The following SPTBN5 variants were observed in gnomAD, a reference collection of about 807,000 sequenced individuals.
SPTBN5 encodes the protein spectrin beta, non-erythrocytic 5, also known as spectrin beta chain, non-erythrocytic 5.
SPTBN5 carries 513 observed loss-of-function variants against 477.6 expected under a neutral mutation model. That is an observed-to-expected ratio of 1.07 (90% CI 1.00 to 1.16). SPTBN5 has a LOEUF of 1.16. Among genes scored for constraint, SPTBN5 ranks in the 50% most tolerant of loss-of-function variants. The pLI is 0.00. For missense variants in SPTBN5, 5,062 were observed against 4,731.8 expected, an observed-to-expected ratio of 1.07 and a Z score of -2.05; for synonymous variants, 2,169 against 2,011.7, an observed-to-expected ratio of 1.08 and a Z score of -2.09.
Position 41,871,885 on chromosome 15 carries a change from T to C in SPTBN5, c.5198A>G (p.His1733Arg), listed in dbSNP as rs771894219. ...DRELEGTLRL[H>R]EFLREAEDLQ... The stretch of plus-strand genomic sequence containing the variant: ...GTCCTCAGCCTCCCTCAGGAACTCA[T>C]GCAGCCTCAGGGTCCCCTCCAGTTC... Residue 1733 changes from histidine to arginine, a missense_variant, in exon 28 of 68, where the codon CAT (histidine) becomes CGT (arginine). By Grantham distance (29) the His-to-Arg change is conservative. Coordinates refer to ENST00000320955, the MANE Select transcript of SPTBN5 (RefSeq NM_016642.4). 6.3e-7 allele frequency: 1 copy of C among 1,586,382 alleles called. No homozygotes were observed. The highest frequency in any genetic ancestry group is 8.6e-7 in the Non-Finnish European group (1 of 1,166,370).
At chr15:41,892,732 G>A (rs556884207) in intron 3 of SPTBN5, 162 bp downstream of exon 3, 4 of 746,938 alleles carry the variant, frequency 5.4e-6, no homozygotes, top group Non-Finnish European at 8.2e-6. Flanking sequence ...TGCGAGGAGG[G>A]CGTGGCTTCT....
At position 41,856,329 on chromosome 15, in the gene SPTBN5, C is replaced by T. The variant is rs144717950; in HGVS notation, c.9021+57G>A. 283 of 1,435,888 alleles carry T rather than the reference C, an allele frequency of 2.0e-4. 1 individual carries two copies. In the African/African-American group the frequency reaches 3.3e-3, roughly 17 times the overall value. The allele number at this position is 1,435,888 out of a possible 1,614,324, so 88.9% of individuals were successfully genotyped here. ...AGGAGCCCCGGAGTGACCTCCCAGC[C>T]GCACTCGCCCTGTGTTCCAGGCTTG... On this transcript the variant is annotated intron_variant, in intron 53 of 67. Transcript: ENST00000320955.
rs1325184209 is a variant in SPTBN5 at position 41,864,014 on chromosome 15, C to A, written c.6929G>T (p.Gly2310Val). The A allele has an allele frequency of 6.2e-7, 1 of 1,612,506 alleles. No individual in the cohort carries two copies. The highest frequency in any genetic ancestry group is 1.7e-4 in the Middle Eastern group (1 of 6,054). The change falls in exon 40 of 68, where the codon GGT becomes GTT. Residue 2310 changes from glycine (G) to valine (V), a missense_variant. By Grantham distance (109) the Gly-to-Val change is moderately radical (BLOSUM62 -3). Transcript: ENST00000320955. ...FRGNSAGDTV[G>V]DACIRSISDL... ...ACTGATGCTCCTGATGCAGGCATCA[C>A]CCACTGTGTCCTGCAGGGGAGGTAT...
rs1406905516 is a variant in SPTBN5 at position 41,856,408 on chromosome 15, T to C, written c.8999A>G (p.Glu3000Gly). ...CACCTCAGTCAGAAACTGCTGGGCC[T>C]CCTGAGCCTGCTGCAGCAGAAGCCG... ...RRRLLLQQAQ[E>G]AQQFLTELLE... Residue 3000 changes from glutamate to glycine, a missense_variant, in exon 53 of 68, where the codon GAG becomes GGG. Coordinates refer to ENST00000320955, the MANE Select transcript of SPTBN5 (RefSeq NM_016642.4). The C allele has an allele frequency of 6.3e-6, 10 of 1,584,904 alleles. No homozygotes were observed. The highest frequency in any genetic ancestry group is 1.7e-5 in the Admixed American group (1 of 58,308).
Position 41,866,029 on chromosome 15 carries a change from G to A in SPTBN5, c.6822+9C>T. Reference sequence around the variant, plus strand: ...CCATCTCTCAGCCCCCACCCAGCTGGGGCTACACCTTCTCCTGGATCCAGG... The same window carrying A: ...CCATCTCTCAGCCCCCACCCAGCTGAGGCTACACCTTCTCCTGGATCCAGG... On this transcript the variant is annotated intron_variant, in intron 38 of 67. Transcript: ENST00000320955. 6.4e-7 allele frequency: 1 copy of A among 1,551,844 alleles called. No homozygotes were observed. The highest frequency in any genetic ancestry group is 8.7e-7 in the Non-Finnish European group (1 of 1,148,004).
intron 7 of SPTBN5, among the ~76,000 whole-genome samples, chr15:41,884,498 T>C (rs898915400): frequency 2.0e-5 from 3 of 152,188 alleles, no homozygotes; most frequent in Non-Finnish European, 2.9e-5. Flanking sequence ...CTGCAAAATC[T>C]ATCCAGAACC....
At position 41,855,601 on chromosome 15, in the gene SPTBN5, C is replaced by T. The variant is rs371936039; in HGVS notation, c.9166G>A (p.Glu3056Lys). The change falls in exon 54 of 68, where the codon GAG (glutamate) becomes AAG (lysine). Residue 3056 changes from glutamate (E) to lysine (K), a missense_variant. By Grantham distance (56) the Glu-to-Lys change is moderately conservative. Coordinates refer to ENST00000320955, the MANE Select transcript of SPTBN5 (RefSeq NM_016642.4). Reference protein sequence around the residue: ...RDLEAFSPRIERLQQTAALLE... With the variant: ...RDLEAFSPRIKRLQQTAALLE... ...AGTGCTGCTGTCTGCTGCAGCCGCTCGATGCGTGGGCTGAACGCTTCCAGG... is the reference window on the plus strand; with the variant it reads ...AGTGCTGCTGTCTGCTGCAGCCGCTTGATGCGTGGGCTGAACGCTTCCAGG... 42 of 1,611,766 alleles carry T rather than the reference C, an allele frequency of 2.6e-5. No individual in the cohort carries two copies. Among genetic ancestry groups the T allele is most frequent in the African/African-American group, 1.9e-4 (14 of 75,054 alleles).
chr15:41,855,056 C>T (rs1282510669), intron 55 of SPTBN5, 80 bp from the exon 56 acceptor site: 1 of 1,463,236 alleles, frequency 6.8e-7, no homozygotes, highest in Non-Finnish European at 9.1e-7. Context: ...TCAGCAGACT[C>T]TGATGGCTCT....
intron 3 of SPTBN5, chr15:41,892,665 G>T (rs909074790): frequency 4.0e-6 from 2 of 498,176 alleles, no homozygotes; most frequent in African/African-American, 4.0e-5. Flanking sequence ...CACCCCAGTA[G>T]GGACCTGGAT....
chr15:41,881,331 C>T (rs948856451), intron 12 of SPTBN5, 97 bp from the exon 13 acceptor site: 20 of 989,956 alleles, frequency 2.0e-5, no homozygotes, highest in East Asian at 1.0e-4. Flanking sequence ...GACCTGGAGG[C>T]GCTGAGCTGT....
At position 41,862,193 on chromosome 15, in the gene SPTBN5, C is replaced by G. The variant is rs554170593; in HGVS notation, c.7485G>C (p.Thr2495=). The change falls in exon 44 of 68, where the codon ACG becomes ACC. Residue 2495 remains threonine (T), a synonymous_variant. Transcript: ENST00000320955. The part of the protein sequence containing the change: ...SAQRLRAQMD[T]SPAPRSPVEA... The stretch of plus-strand genomic sequence containing the variant: ...CCACAGGGCTGCGAGGAGCGGGGCT[C>G]GTGTCCATCTGAGCCCGCAGCCTCT... The G allele has an allele frequency of 6.2e-7, 1 of 1,610,178 alleles. No homozygotes were observed. Among genetic ancestry groups the G allele is most frequent in the South Asian group, 1.1e-5 (1 of 90,798 alleles).
Position 41,893,549 on chromosome 15 carries a change from G to C in SPTBN5, c.-49-3C>G, listed in dbSNP as rs934061407. On this transcript the variant is annotated splice_polypyrimidine_tract_variant and splice_region_variant and intron_variant, in intron 1 of 67. Coordinates refer to ENST00000320955, the MANE Select transcript of SPTBN5 (RefSeq NM_016642.4). ...AGCTGCTGGATGGCTCCCTAAACCT[G>C]GAGGGCATGCAGATTAGGGGATGAT... 1 of 1,533,044 alleles carries C rather than the reference G, an allele frequency of 6.5e-7. No homozygotes were observed. Among genetic ancestry groups the C allele is most frequent in the African/African-American group, 1.4e-5 (1 of 72,966 alleles). The allele number at this position is 1,533,044 out of a possible 1,614,324, so 95.0% of individuals were successfully genotyped here.
rs1452150865 is a variant in SPTBN5 at position 41,870,359 on chromosome 15, G to A, written c.5563-6C>T. On this transcript the variant is annotated splice_polypyrimidine_tract_variant and splice_region_variant and intron_variant, in intron 30 of 67. Transcript: ENST00000320955. ...GGGAGGCTCGTGGCTTTCTCCTGAG[G>A]AAGGGAGAATGCCGAGGAGATGAGG... is the stretch of plus-strand genomic sequence containing the variant. The A allele has an allele frequency of 1.3e-6, 2 of 1,583,184 alleles. No individual in the cohort carries two copies. The highest frequency in any genetic ancestry group is 1.3e-5 in the African/African-American group (1 of 74,344).
intron 3 of SPTBN5, 164 bp downstream of exon 3, chr15:41,892,730 G>C: frequency 2.7e-6 from 2 of 734,878 alleles, no homozygotes; most frequent in South Asian, 4.4e-5. Context: ...TGTGCGAGGA[G>C]GGCGTGGCTT....
Position 41,877,818 on chromosome 15 carries a change from C to T in SPTBN5, c.3471-462G>A, listed in dbSNP as rs577627542. On this transcript the variant is annotated intron_variant, in intron 17 of 67. Transcript: ENST00000320955. ...GCTGAGGGCCAGATGCATTTCAGTG[C>T]CCACTTGGCCACCTGTCAAGTGCCT... Among the ~76,000 whole-genome samples the T allele has an allele frequency of 3.9e-5, 6 of 152,360 alleles. No homozygotes were observed. The South Asian group carries it at 1.2e-3, about 32-fold the overall frequency.
rs1463019099 is a variant in SPTBN5 at position 41,867,487 on chromosome 15, C to G, written c.6312+51G>C. ...GCGCCCCGTGACCCCCTTCAGGACT[C>G]TCTCCCAACCACCACACTCTGACCA... On this transcript the variant is annotated intron_variant, in intron 35 of 67. Transcript: ENST00000320955. 55 of 1,562,786 alleles carry G rather than the reference C, an allele frequency of 3.5e-5. No homozygotes were observed. In the Admixed American group the frequency reaches 9.2e-4, roughly 26 times the overall value.
In SPTBN5 at chr15:41,866,388, C is replaced by T. The variant is rs2066313639; in HGVS notation, c.6586G>A (p.Ala2196Thr). 1.9e-6 allele frequency: 3 copies of T among 1,611,316 alleles called. No homozygotes were observed. Among genetic ancestry groups the T allele is most frequent in the Non-Finnish European group, 1.7e-6 (2 of 1,178,668 alleles). ...ACCTCCTCATGGGCCTGGACTTCAG[C>T]CTCAAAGGCCTGGTGTTTCAGCAGG... ...KPLLKHQAFE[A>T]EVQAHEEVMT... The change falls in exon 37 of 68, where the codon GCT (alanine) becomes ACT (threonine). Residue 2196 changes from alanine to threonine, a missense_variant. By Grantham distance (58) the Ala-to-Thr change is moderately conservative (BLOSUM62 0). Coordinates refer to ENST00000320955, the MANE Select transcript of SPTBN5 (RefSeq NM_016642.4).
chr15:41,848,222 G>A lies in SPTBN5; in HGVS notation c.*394C>T. 2 of 497,428 alleles carry A rather than the reference G, an allele frequency of 4.0e-6. No individual in the cohort carries two copies. The highest frequency in any genetic ancestry group is 3.6e-6 in the Non-Finnish European group (1 of 274,240). 30.8% of individuals were successfully genotyped at this position (497,428 alleles called of 1,614,324 possible). A position where few individuals can be genotyped will look rare whatever the true frequency, so the allele number is the denominator to read the frequency against. On this transcript the variant is annotated 3_prime_UTR_variant, in exon 68 of 68. Coordinates refer to ENST00000320955, the MANE Select transcript of SPTBN5 (RefSeq NM_016642.4). ...AGGCTCTTGGCTGTACATGGCAAGG[G>A]CTGGTACAGAGCTCGCTCATCAGTG... is the stretch of plus-strand genomic sequence containing the variant.
At position 41,855,744 on chromosome 15, in the gene SPTBN5, A is replaced by T. The variant is rs747349162; in HGVS notation, c.9023T>A (p.Leu3008His). The T allele has an allele frequency of 8.9e-6, 14 of 1,576,620 alleles. No homozygotes were observed. Among genetic ancestry groups the T allele is most frequent in the Non-Finnish European group, 1.2e-5 (14 of 1,162,142 alleles). Residue 3008 changes from leucine (L) to histidine (H), a missense_variant and splice_region_variant, in exon 54 of 68, where the codon CTC becomes CAC. By Grantham distance (99) the Leu-to-His change is moderately conservative. Transcript: ENST00000320955. ...AQEAQQFLTE[L>H]LEAGSWLAER... ...AGCCAGCCAGGATCCCGCCTCCAGGAGCTGGGGGTGACAGAGTGGAGATCC... is the reference window on the plus strand; with the variant it reads ...AGCCAGCCAGGATCCCGCCTCCAGGTGCTGGGGGTGACAGAGTGGAGATCC...
Sources: gnomAD v4.1 joint callset for allele counts (sites outside exome capture counted in the v4.1 genomes callset) on GRCh38, gnomAD v4.1.1 for gene constraint, MANE v1.5 for transcripts, NCBI Gene and HGNC (gene_info 2026-07-23, HGNC 2026-07-21) for gene names.